Variants in FGF12 observed in about 807,000 individuals in gnomAD.
FGF12 encodes fibroblast growth factor 12B.
A neutral mutation model predicts 23.6 loss-of-function variants in FGF12; 14 were observed. That is an observed-to-expected ratio of 0.59 (90% CI 0.39 to 0.93). The LOEUF (loss-of-function observed/expected upper bound fraction) is 0.93, where lower values mean the gene tolerates loss of function less well. Among genes scored for constraint, FGF12 ranks in the 40% least tolerant of loss-of-function variants. The pLI is 0.00. For synonymous variants in FGF12, 62 were observed against 77.3 expected, an observed-to-expected ratio of 0.80 and a Z score of 1.04; for missense variants, 175 against 217.8, an observed-to-expected ratio of 0.80 and a Z score of 1.24.
chr3:192,335,425 G>A lies in FGF12; in HGVS notation c.164C>T (p.Ala55Val), dbSNP rs200858435. 1.1e-5 allele frequency: 17 copies of A among 1,613,122 alleles called. No individual in the cohort carries two copies. Among genetic ancestry groups the A allele is most frequent in the Middle Eastern group, 1.7e-4 (1 of 6,050 alleles). Residue 55 changes from alanine (A) to valine (V), a missense_variant, in exon 4 of 6, where the codon GCC becomes GTC. By Grantham distance (64) the Ala-to-Val change is moderately conservative. Coordinates refer to ENST00000445105, the MANE Select transcript of FGF12 (RefSeq NM_004113.6). The stretch of plus-strand genomic sequence containing the variant: ...GAGGCTAGCCTTCACTCCTTGGATG[G>A]CCACTACACGCAGGCCCACGGGAAT... ...NLIPVGLRVV[A>V]IQGVKASLYV...
chr3:192,296,523 C>T (rs528031812), intron 4 of FGF12, among the ~76,000 whole-genome samples: 1 of 152,116 alleles, frequency 6.6e-6, no homozygotes, highest in South Asian at 2.1e-4. Flanking sequence ...TGTGCCCAGC[C>T]TCATTTTATT....
chr3:192,608,316 A>G (rs983516970), intron 2 of FGF12, among the ~76,000 whole-genome samples: 1 of 152,194 alleles, frequency 6.6e-6, no homozygotes, highest in African/African-American at 2.4e-5. Flanking sequence ...AATGTTTGTG[A>G]CACAAAGAAG....
intron 2 of FGF12, among the ~76,000 whole-genome samples, chr3:192,676,326 T>C (rs908154281): frequency 6.6e-6 from 1 of 152,164 alleles, no homozygotes; most frequent in Non-Finnish European, 1.5e-5. Context: ...CCTAGGAGCA[T>C]AGAGTTGAAT....
chr3:192,490,736 A>T (rs1194533726), intron 2 of FGF12, among the ~76,000 whole-genome samples: 2 of 152,140 alleles, frequency 1.3e-5, no homozygotes. Flanking sequence ...CACATGCAAC[A>T]ATAAGGATAG....
chr3:192,584,094 C>T (rs1171173054), intron 2 of FGF12, among the ~76,000 whole-genome samples: 1 of 152,196 alleles, frequency 6.6e-6, no homozygotes. Flanking sequence ...CTTCATCCCA[C>T]ACCTTCATTT....
intron 4 of FGF12, among the ~76,000 whole-genome samples, chr3:192,186,272 G>T (rs1292826491): frequency 2.6e-5 from 4 of 152,210 alleles, no homozygotes; most frequent in African/African-American, 9.7e-5. Context: ...AATACTTTGA[G>T]AATTACATGT....
At chr3:192,363,947 T>G (rs1365653156) in intron 2 of FGF12, among the ~76,000 whole-genome samples, 2 of 152,156 alleles carry the variant, frequency 1.3e-5, no homozygotes, top group African/African-American at 4.8e-5. Flanking sequence ...ATGAAACATA[T>G]TTGTGTATAA....
At chr3:192,228,280 A>T (rs1180152258) in intron 4 of FGF12, among the ~76,000 whole-genome samples, 2 of 152,152 alleles carry the variant, frequency 1.3e-5, no homozygotes, top group South Asian at 4.1e-4. Context: ...GTCAATTAAA[A>T]AATAAGTGAT....
intron 2 of FGF12, among the ~76,000 whole-genome samples, chr3:192,369,063 G>C (rs1230734499): frequency 6.6e-6 from 1 of 152,146 alleles, no homozygotes; most frequent in Non-Finnish European, 1.5e-5. Context: ...CTATTTTAGA[G>C]GTGCTTGTTT....
chr3:192,446,026 C>T (rs1722343654), intron 2 of FGF12, among the ~76,000 whole-genome samples: 1 of 152,170 alleles, frequency 6.6e-6, no homozygotes, highest in Non-Finnish European at 1.5e-5. Context: ...ACAAATTGCT[C>T]CATAACGTCA....
At chr3:192,660,454 T>G (rs1716619331) in intron 2 of FGF12, among the ~76,000 whole-genome samples, 1 of 150,504 alleles carries the variant, frequency 6.6e-6, no homozygotes, top group African/African-American at 2.5e-5. Flanking sequence ...GGCACATGTA[T>G]ACATATGTAA....
At chr3:192,668,829 A>G (rs149713204) in intron 2 of FGF12, among the ~76,000 whole-genome samples, 20 of 152,232 alleles carry the variant, frequency 1.3e-4, no homozygotes, top group Non-Finnish European at 2.9e-5. Context: ...AACAAACAGG[A>G]TAATCCATAT....
At chr3:192,596,907 G>A (rs13090493) in intron 2 of FGF12, among the ~76,000 whole-genome samples, 23,585 of 152,174 alleles carry the variant, frequency 0.15, 1,859 homozygotes, top group Middle Eastern at 0.19. Flanking sequence ...CAAAGAGGAA[G>A]ATAGTGTGTA....
intron 3 of FGF12, among the ~76,000 whole-genome samples, chr3:192,358,568 G>A (rs1337463301): frequency 2.0e-5 from 3 of 152,078 alleles, no homozygotes; most frequent in African/African-American, 4.8e-5. Flanking sequence ...AAATGTACAC[G>A]TGGGTGTAGA....
chr3:192,526,700 A>G (rs566408667), intron 2 of FGF12, among the ~76,000 whole-genome samples: 1 of 152,238 alleles, frequency 6.6e-6, no homozygotes, highest in Non-Finnish European at 1.5e-5. Context: ...GGAAATGGTC[A>G]ATAAATATCT....
chr3:192,557,940 A>G (rs1711858258), intron 2 of FGF12, among the ~76,000 whole-genome samples: 1 of 151,932 alleles, frequency 6.6e-6, no homozygotes. Flanking sequence ...AAGACTATAT[A>G]TAAAAAACCA....
At chr3:192,304,545 C>T (rs934548210) in intron 4 of FGF12, among the ~76,000 whole-genome samples, 1 of 152,192 alleles carries the variant, frequency 6.6e-6, no homozygotes, top group South Asian at 2.1e-4. Context: ...TTTAAAGGAC[C>T]TACAGTAGTC....
intron 2 of FGF12, among the ~76,000 whole-genome samples, chr3:192,495,230 C>T (rs993273648): frequency 6.6e-6 from 1 of 152,078 alleles, no homozygotes; most frequent in Admixed American, 6.6e-5. Flanking sequence ...AACCTAATAA[C>T]AAAGCTATAC....
chr3:192,720,559 G>A (rs1040535193), intron 2 of FGF12, among the ~76,000 whole-genome samples: 1 of 152,180 alleles, frequency 6.6e-6, no homozygotes, highest in Non-Finnish European at 1.5e-5. Context: ...AAGGAGATGA[G>A]GAAGATGATG....
Sources: allele counts gnomAD v4.1 joint callset (sites outside exome capture counted in the v4.1 genomes callset), GRCh38; gene constraint gnomAD v4.1.1; transcripts MANE v1.5; gene names NCBI Gene and HGNC (gene_info 2026-07-23, HGNC 2026-07-21).